Variants in ZC3H12B observed in about 807,000 individuals in gnomAD.
ZC3H12B encodes probable ribonuclease ZC3H12B.
A neutral mutation model predicts 43.9 loss-of-function variants in ZC3H12B; 7 were observed. That is an observed-to-expected ratio of 0.16 (90% confidence interval 0.09 to 0.30). The LOEUF is 0.30. ZC3H12B is among the 10% of genes least tolerant of loss of function. The pLI, the probability that ZC3H12B is intolerant of heterozygous loss-of-function variation, is 1.00. For synonymous variants in ZC3H12B, 222 were observed against 241.7 expected, an observed-to-expected ratio of 0.92 and a Z score of 0.76; for missense variants, 475 against 670.2, an observed-to-expected ratio of 0.71 and a Z score of 3.22.
the ZC3H12B span, among the ~76,000 whole-genome samples, chrX:65,142,136 G>A: frequency 8.9e-6 from 1 of 112,033 alleles, no homozygotes; most frequent in Non-Finnish European, 1.9e-5. Context: ...CAGCAGTGTA[G>A]AAGTATTCCC....
the ZC3H12B span, among the ~76,000 whole-genome samples, chrX:65,361,635 A>G: frequency 9.0e-6 from 1 of 111,006 alleles, no homozygotes; most frequent in Non-Finnish European, 1.9e-5. Context: ...AACCCAGCCC[A>G]GCTCATGTCC....
At chrX:65,114,916 ATTTTTTTTTTTTTT>A in the ZC3H12B span, among the ~76,000 whole-genome samples, 1 of 19,323 alleles carries the variant, frequency 5.2e-5, no homozygotes, top group Non-Finnish European at 8.2e-5. Flanking sequence ...GTGTCTCAGG[ATTTTTTTTTTTTTT>A]TTTTTTTTTT....
chrX:65,175,767 T>C, the ZC3H12B span, among the ~76,000 whole-genome samples: 1 of 112,002 alleles, frequency 8.9e-6, no homozygotes, highest in African/African-American at 3.2e-5. Flanking sequence ...GGGCGTTGCC[T>C]CACCTGGGAA....
At chrX:65,301,492 A>G in the ZC3H12B span, among the ~76,000 whole-genome samples, 1 of 111,309 alleles carries the variant, frequency 9.0e-6, no homozygotes, top group Admixed American at 9.6e-5. Context: ...ATACACGTAT[A>G]CATACACACT....
chrX:65,237,995 G>A, the ZC3H12B span, among the ~76,000 whole-genome samples: 4 of 111,735 alleles, frequency 3.6e-5, no homozygotes, highest in East Asian at 2.8e-4. Flanking sequence ...TTGCATTGAT[G>A]TTTATCAGGA....
the ZC3H12B span, among the ~76,000 whole-genome samples, chrX:65,151,198 A>T: frequency 8.9e-6 from 1 of 112,024 alleles, no homozygotes; most frequent in Admixed American, 9.5e-5. Flanking sequence ...AATATTTCAA[A>T]ATTAGGGTTA....
chrX:65,363,251 C>G (rs1323701100), upstream of ZC3H12B, among the ~76,000 whole-genome samples: 1 of 111,298 alleles, frequency 9.0e-6, no homozygotes, highest in Non-Finnish European at 1.9e-5. Flanking sequence ...CATTTATTCT[C>G]CAAAGGATAT....
At chrX:65,064,879 C>A in the ZC3H12B span, among the ~76,000 whole-genome samples, 1 of 111,716 alleles carries the variant, frequency 9.0e-6, no homozygotes, top group Non-Finnish European at 1.9e-5. Flanking sequence ...TTGTATTGAT[C>A]CCTTTACCAT....
intron 3 of ZC3H12B, among the ~76,000 whole-genome samples, chrX:65,432,512 G>A (rs2067174442): frequency 8.9e-6 from 1 of 111,891 alleles, no homozygotes; most frequent in South Asian, 3.8e-4. Context: ...TCATGTGGAA[G>A]AGAAACTTGG....
the ZC3H12B span, among the ~76,000 whole-genome samples, chrX:65,333,668 T>A: frequency 1.8e-5 from 2 of 111,995 alleles, no homozygotes; most frequent in African/African-American, 6.5e-5. Flanking sequence ...TCCTCTATTC[T>A]AATGTCACAA....
At chrX:65,138,267 C>T in the ZC3H12B span, among the ~76,000 whole-genome samples, 4 of 111,901 alleles carry the variant, frequency 3.6e-5, no homozygotes, top group Non-Finnish European at 7.5e-5. Flanking sequence ...CCCTTTCCAA[C>T]CACCATTTTA....
chrX:65,429,965 A>C (rs1273799716), intron 3 of ZC3H12B, among the ~76,000 whole-genome samples: 1 of 111,217 alleles, frequency 9.0e-6, no homozygotes, highest in African/African-American at 3.3e-5. Context: ...TCTCAGGCAG[A>C]CTCCACCCAG....
the ZC3H12B span, among the ~76,000 whole-genome samples, chrX:65,105,560 G>T: frequency 9.0e-6 from 1 of 111,415 alleles, no homozygotes; most frequent in Admixed American, 9.6e-5. Flanking sequence ...TTGCTGGAAA[G>T]GGCGTGGTCA....
At chrX:65,429,584 T>C (rs2067127418) in intron 3 of ZC3H12B, among the ~76,000 whole-genome samples, 1 of 112,608 alleles carries the variant, frequency 8.9e-6, no homozygotes, top group Admixed American at 9.3e-5. Flanking sequence ...CTTTCTCACC[T>C]GGACCATTTG....
the ZC3H12B span, among the ~76,000 whole-genome samples, chrX:65,194,430 A>T: frequency 9.0e-6 from 1 of 110,805 alleles, no homozygotes; most frequent in Non-Finnish European, 1.9e-5. Flanking sequence ...TTATTTATTG[A>T]CTCACTGATC....
intron 3 of ZC3H12B, among the ~76,000 whole-genome samples, chrX:65,438,877 G>A (rs1434312763): frequency 1.8e-5 from 2 of 113,080 alleles, no homozygotes; most frequent in African/African-American, 6.4e-5. Context: ...TTGCTGCAGA[G>A]ATTGTATTTA....
the ZC3H12B span, among the ~76,000 whole-genome samples, chrX:65,143,006 T>A: frequency 2.7e-5 from 3 of 111,440 alleles, no homozygotes; most frequent in African/African-American, 6.5e-5. Flanking sequence ...TCCATAAAAA[T>A]TTTAGAATTT....
the ZC3H12B span, chrX:65,187,178 A>C: frequency 9.0e-6 from 1 of 111,622 alleles, no homozygotes; most frequent in Non-Finnish European, 1.9e-5. Context: ...ACTTCTATGC[A>C]CTATTGTATC....
the ZC3H12B span, among the ~76,000 whole-genome samples, chrX:65,202,885 G>A: frequency 1.8e-5 from 2 of 111,487 alleles, no homozygotes; most frequent in Non-Finnish European, 3.8e-5. Flanking sequence ...CCAGGAGTTT[G>A]GGCCTGGAGT....
Sources: allele counts gnomAD v4.1 joint callset (sites outside exome capture counted in the v4.1 genomes callset), GRCh38; gene constraint gnomAD v4.1.1; transcripts MANE v1.5; gene names NCBI Gene and HGNC (gene_info 2026-07-23, HGNC 2026-07-21).